ZNF511: variants seen among roughly 807,000 people sequenced by gnomAD.
The protein encoded by ZNF511 is zinc finger protein 511.
ZNF511 carries 26 observed loss-of-function variants against 24.8 expected under a neutral mutation model. That is an observed-to-expected ratio of 1.05 (90% CI 0.77 to 1.46). The LOEUF is 1.46. Ranked by LOEUF, ZNF511 falls within the 40% of genes most tolerant of loss-of-function variation. The pLI, the probability that ZNF511 is intolerant of heterozygous loss-of-function variation, is 0.00. For synonymous variants in ZNF511, 144 were observed against 139.6 expected (o/e 1.03, Z -0.22); for missense variants, 358 against 345.0 (o/e 1.04, Z -0.30).
intron 1 of ZNF511, 129 bp downstream of exon 1, chr10:133,309,225 G>T: frequency 1.0e-6 from 1 of 978,984 alleles, no homozygotes; most frequent in South Asian, 2.0e-5. Context: ...GGACAGGCGG[G>T]ACCTGAGGTG....
intron 1 of ZNF511, 80 bp from the exon 2 acceptor site, chr10:133,309,310 G>T: frequency 1.3e-6 from 2 of 1,519,176 alleles, no homozygotes; most frequent in Non-Finnish European, 1.8e-6. Flanking sequence ...GATGACTGGG[G>T]CCACGGGTGT....
rs775734845 is a variant in ZNF511, at chr10:133,311,861, C to T, written c.680+20C>T. ...ACATAGGTCAGTGTCTGAGCTCTTT[C>T]TGAAACCCGTTCTCAACATGTGTTC... On this transcript the variant is annotated intron_variant, in intron 5 of 5. Coordinates refer to ENST00000361518, the MANE Select transcript of ZNF511 (RefSeq NM_145806.4). The T allele has an allele frequency of 5.0e-6, 8 of 1,613,334 alleles. No individual in the cohort carries two copies. Among genetic ancestry groups the T allele is most frequent in the South Asian group, 3.3e-5 (3 of 91,090 alleles).
intron 5 of ZNF511, chr10:133,312,375 A>G (rs1271966211): frequency 8.6e-7 from 1 of 1,168,692 alleles, no homozygotes; most frequent in Non-Finnish European, 1.1e-6. Context: ...GTGGGGAAAA[A>G]CATCACCAAA....
rs747876566 is a variant in ZNF511, at chr10:133,310,149, C to G, written c.430-15C>G. ...GGCCAGGGGTCAGAGGGAGGTGACACGGTCTCCATTTCAGTATCAGTGCTT... is the reference window on the plus strand; with the variant it reads ...GGCCAGGGGTCAGAGGGAGGTGACAGGGTCTCCATTTCAGTATCAGTGCTT... On this transcript the variant is annotated splice_polypyrimidine_tract_variant and intron_variant, in intron 3 of 5. Transcript: ENST00000361518. 8.1e-6 allele frequency: 13 copies of G among 1,613,414 alleles called. No homozygotes were observed. The highest frequency in any genetic ancestry group is 1.0e-5 in the Non-Finnish European group (12 of 1,180,016).
chr10:133,312,645 G>T, intron 5 of ZNF511, 143 bp from the exon 6 acceptor site: 1 of 1,533,884 alleles, frequency 6.5e-7, no homozygotes, highest in Non-Finnish European at 8.7e-7. Context: ...AAAGGGAGCT[G>T]CCCCAGGGCC....
At position 133,313,043 on chromosome 10, in the gene ZNF511, A is replaced by G; in HGVS notation, c.*177A>G. On this transcript the variant is annotated 3_prime_UTR_variant, in exon 6 of 6. Coordinates refer to ENST00000361518, the MANE Select transcript of ZNF511 (RefSeq NM_145806.4). ...TCATCAGAAGCTGTGAGGGACCCAC[A>G]GATTTTGGAAACGACCTGGACACAC... is the stretch of plus-strand genomic sequence containing the variant. 1.4e-6 allele frequency: 2 copies of G among 1,438,210 alleles called. No homozygotes were observed. The highest frequency in any genetic ancestry group is 5.0e-5 in the East Asian group (2 of 39,992). The allele number at this position is 1,438,210 out of a possible 1,614,324, so 89.1% of individuals were successfully genotyped here. A position where few individuals can be genotyped will look rare whatever the true frequency, so the allele number is the denominator to read the frequency against.
intron 5 of ZNF511, chr10:133,312,184 C>G: frequency 7.1e-7 from 1 of 1,411,452 alleles, no homozygotes; most frequent in Middle Eastern, 2.6e-4. Flanking sequence ...GTCTGCGTTT[C>G]TAGCGTCACC....
At chr10:133,310,959 A>G (rs1335503971) in intron 4 of ZNF511, among the ~76,000 whole-genome samples, 1 of 151,816 alleles carries the variant, frequency 6.6e-6, no homozygotes, top group African/African-American at 2.4e-5. Context: ...GCATCGCCGC[A>G]CTCGGCAAAA....
chr10:133,310,806 C>CT lies in ZNF511; in HGVS notation c.554+531dup, dbSNP rs1325729212. On this transcript the variant is annotated intron_variant, in intron 4 of 5. Coordinates refer to ENST00000361518, the MANE Select transcript of ZNF511 (RefSeq NM_145806.4). ...TCTGGGAAATACTTCCAGGAACAATCTTTTTTTTTTTTTGAGACAGGGTCT... is the reference window on the plus strand; with the variant it reads ...TCTGGGAAATACTTCCAGGAACAATCTTTTTTTTTTTTTTGAGACAGGGTCT... Among the ~76,000 whole-genome samples, 844 of 146,122 alleles carry CT rather than the reference C, an allele frequency of 5.8e-3. 5 individuals carry two copies. Among genetic ancestry groups the CT allele is most frequent in the African/African-American group, 0.018 (725 of 39,992 alleles).
chr10:133,310,433 G>A, intron 4 of ZNF511, 145 bp downstream of exon 4: 4 of 1,042,306 alleles, frequency 3.8e-6, no homozygotes, highest in Non-Finnish European at 5.5e-6. Context: ...TGAAGCCCTG[G>A]CAACACAGCT....
chr10:133,310,369 C>T, intron 4 of ZNF511, 81 bp downstream of exon 4: 2 of 1,567,018 alleles, frequency 1.3e-6, no homozygotes, highest in Non-Finnish European at 1.7e-6. Flanking sequence ...CATAGACGGT[C>T]AGACTTATTA....
intron 1 of ZNF511, 102 bp downstream of exon 1, chr10:133,309,198 G>A (rs1469337222): frequency 1.5e-6 from 2 of 1,374,626 alleles, no homozygotes; most frequent in Non-Finnish European, 1.9e-6. Context: ...ACGACTGCGG[G>A]GCGGGGCCGG....
chr10:133,311,696 T>C lies in ZNF511; in HGVS notation c.555-20T>C. 6.2e-7 allele frequency: 1 copy of C among 1,606,304 alleles called. No individual in the cohort carries two copies. Among genetic ancestry groups the C allele is most frequent in the South Asian group, 1.1e-5 (1 of 90,942 alleles). ...TGTGGGAGCCGTGCAGGGCAGTTAC[T>C]CACTGCTCTCTCCCCGCAGCCCAGC... On this transcript the variant is annotated intron_variant, in intron 4 of 5. Coordinates refer to ENST00000361518, the MANE Select transcript of ZNF511 (RefSeq NM_145806.4).
chr10:133,310,382 C>T, intron 4 of ZNF511, 94 bp downstream of exon 4: 1 of 1,504,040 alleles, frequency 6.6e-7, no homozygotes. Context: ...ACTTATTAAG[C>T]ACTTGTGTGT....
chr10:133,312,425 C>T, intron 5 of ZNF511: 2 of 1,201,892 alleles, frequency 1.7e-6, no homozygotes, highest in Non-Finnish European at 2.1e-6. Flanking sequence ...ATGTTCCCTG[C>T]ACCCTCCTTA....
chr10:133,309,165 G>A, intron 1 of ZNF511, 69 bp downstream of exon 1: 1 of 1,370,260 alleles, frequency 7.3e-7, no homozygotes. Flanking sequence ...AGGCGGGGCC[G>A]GAGCCTGGAG....
rs1428185365 is a variant in ZNF511 at position 133,309,911 on chromosome 10, G to A, written c.363G>A (p.Leu121=). 2 of 1,613,664 alleles carry A rather than the reference G, an allele frequency of 1.2e-6. No individual in the cohort carries two copies. Among genetic ancestry groups the A allele is most frequent in the Non-Finnish European group, 1.7e-6 (2 of 1,180,028 alleles). ...AGCGGGCCTTCCCTTCCGGACACCT[G>A]CTGGACGCCCACATCCTGGAGTGGC... The part of the protein sequence containing the change: ...FCKRAFPSGH[L]LDAHILEWHD... The change falls in exon 3 of 6, where the codon CTG becomes CTA. Residue 121 remains leucine (L), a synonymous_variant. Coordinates refer to ENST00000361518, the MANE Select transcript of ZNF511 (RefSeq NM_145806.4).
rs1379795715 is a variant in ZNF511 at position 133,310,277 on chromosome 10, G to C, written c.543G>C (p.Lys181Asn). 1 of 1,613,846 alleles carries C rather than the reference G, an allele frequency of 6.2e-7. No homozygotes were observed. Among genetic ancestry groups the C allele is most frequent in the Non-Finnish European group, 8.5e-7 (1 of 1,180,052 alleles). Reference sequence around the variant, plus strand: ...CGGACTTCCGGTTTGATAAGCCAAAGAAAAGCAGAAGGTAGGGAGCCGCCA... The same window carrying C: ...CGGACTTCCGGTTTGATAAGCCAAACAAAAGCAGAAGGTAGGGAGCCGCCA... ...YPADFRFDKP[K>N]KSRSPASAEA... Residue 181 changes from lysine (K) to asparagine (N), a missense_variant, in exon 4 of 6, where the codon AAG (lysine) becomes AAC (asparagine). Coordinates refer to ENST00000361518, the MANE Select transcript of ZNF511 (RefSeq NM_145806.4).
rs746789128 is a variant in ZNF511 at position 133,309,427 on chromosome 10, T to C, written c.191T>C (p.Val64Ala). 1 of 1,612,542 alleles carries C rather than the reference T, an allele frequency of 6.2e-7. No homozygotes were observed. Among genetic ancestry groups the C allele is most frequent in the South Asian group, 1.1e-5 (1 of 91,020 alleles). The change falls in exon 2 of 6, where the codon GTG becomes GCG. Residue 64 changes from valine (V) to alanine (A), a missense_variant. Coordinates refer to ENST00000361518, the MANE Select transcript of ZNF511 (RefSeq NM_145806.4). The part of the protein sequence containing the change: ...DVQRHLYLQD[V>A]IMQVADVPEK... ...CAGCGCCACCTCTACCTCCAGGACG[T>C]GATCATGCAGGTGGCCGACGTGCCT...
Sources: allele counts gnomAD v4.1 joint callset (sites outside exome capture counted in the v4.1 genomes callset), GRCh38; gene constraint gnomAD v4.1.1; transcripts MANE v1.5; gene names NCBI Gene and HGNC (gene_info 2026-07-23, HGNC 2026-07-21).